The following ZNF423 variants were observed in gnomAD, a reference collection of about 807,000 sequenced individuals.
The protein encoded by ZNF423 is zinc finger protein 423.
Under a neutral mutation model 95.8 loss-of-function variants are expected in ZNF423, and 12 were observed. The ratio of observed to expected loss-of-function variants is 0.13; its 90% CI spans 0.08 to 0.20. The LOEUF (loss-of-function observed/expected upper bound fraction) is 0.20. Ranked by LOEUF, ZNF423 falls within the 10% of genes least tolerant of loss-of-function variation. The pLI, the probability that ZNF423 is intolerant of heterozygous loss-of-function variation, is 1.00. For missense variants in ZNF423, 1,316 were observed against 1,737.1 expected (o/e 0.76, Z 4.31); for synonymous variants, 749 against 711.9 (o/e 1.05, Z -0.83).
chr16:49,629,837 C>A (rs915918301), intron 4 of ZNF423, among the ~76,000 whole-genome samples: 4 of 152,166 alleles, frequency 2.6e-5, no homozygotes, highest in African/African-American at 9.7e-5. Flanking sequence ...TGTCCTGGAC[C>A]CACACCACCC....
intron 5 of ZNF423, among the ~76,000 whole-genome samples, chr16:49,570,527 CAA>C (rs1970322881): frequency 1.3e-5 from 2 of 152,122 alleles, no homozygotes; most frequent in Admixed American, 1.3e-4. Flanking sequence ...CGTAGGGAGT[CAA>C]GAGAGGTGCC....
At chr16:49,547,502 A>T (rs1969480797) in intron 5 of ZNF423, among the ~76,000 whole-genome samples, 1 of 152,340 alleles carries the variant, frequency 6.6e-6, no homozygotes, top group South Asian at 2.1e-4. Context: ...ATGGTAACAA[A>T]GGTTCTCAGA....
At chr16:49,763,259 T>C (rs2033864748) in intron 2 of ZNF423, among the ~76,000 whole-genome samples, 1 of 151,946 alleles carries the variant, frequency 6.6e-6, no homozygotes, top group South Asian at 2.1e-4. Context: ...ACTCTGGGTT[T>C]TTTGGTTTTT....
intron 1 of ZNF423, among the ~76,000 whole-genome samples, chr16:49,809,372 C>T (rs1481871338): frequency 2.6e-5 from 4 of 152,192 alleles, no homozygotes; most frequent in Non-Finnish European, 5.9e-5. Flanking sequence ...CTGCAGTGGT[C>T]CCATGCTCTG....
chr16:49,573,096 A>G (rs1324154366), intron 5 of ZNF423, among the ~76,000 whole-genome samples: 2 of 152,170 alleles, frequency 1.3e-5, no homozygotes, highest in Non-Finnish European at 2.9e-5. Flanking sequence ...GGATGGATAT[A>G]TGAACATGTG....
At chr16:49,575,322 CG>C (rs1970463095) in intron 5 of ZNF423, among the ~76,000 whole-genome samples, 1 of 152,148 alleles carries the variant, frequency 6.6e-6, no homozygotes, top group Non-Finnish European at 1.5e-5. Context: ...AATAATTCCA[CG>C]GGGAGTCCTG....
intron 5 of ZNF423, among the ~76,000 whole-genome samples, chr16:49,606,335 T>C (rs747404721): frequency 2.6e-5 from 4 of 151,958 alleles, no homozygotes; most frequent in South Asian, 4.2e-4. Context: ...AGAAGCCAGC[T>C]TAAGAGCGAG....
At chr16:49,835,143 C>T (rs191163316) in intron 1 of ZNF423, among the ~76,000 whole-genome samples, 2 of 152,254 alleles carry the variant, frequency 1.3e-5, no homozygotes, top group East Asian at 1.9e-4. Flanking sequence ...GGGGCTCCCT[C>T]TTCTCTGAGG....
intron 2 of ZNF423, among the ~76,000 whole-genome samples, chr16:49,740,334 C>T (rs952434821): frequency 2.0e-5 from 3 of 152,190 alleles, no homozygotes; most frequent in Non-Finnish European, 4.4e-5. Context: ...GAGAAGAACC[C>T]TCTCCTCCAT....
Position 49,638,038 on chromosome 16 carries a change from G to T in ZNF423, c.1138C>A (p.Pro380Thr). Residue 380 changes from proline (P) to threonine (T), a missense_variant, in exon 4 of 8, where the codon CCC becomes ACC. Transcript: ENST00000563137. The surrounding 1 kb of genome is among the most constrained non-coding windows in gnomAD (Gnocchi z 5.6). ...CGCTCCACAGAGGCGCTGGAGTCGG[G>T]TGTGGCGCTGCTCATGGAGGCCACG... ...GSVASMSSAT[P>T]DSSASVERGS... is the part of the protein sequence containing the mutation. The T allele has an allele frequency of 1.9e-6, 3 of 1,614,020 alleles. No individual in the cohort carries two copies.
At chr16:49,712,782 G>A (rs901731641) in intron 3 of ZNF423, among the ~76,000 whole-genome samples, 2 of 152,248 alleles carry the variant, frequency 1.3e-5, no homozygotes, top group Admixed American at 1.3e-4. Flanking sequence ...TGGAAACCAC[G>A]TGTGATGGAA....
intron 2 of ZNF423, among the ~76,000 whole-genome samples, chr16:49,769,488 C>T (rs529761804): frequency 2.8e-4 from 43 of 152,268 alleles, no homozygotes; most frequent in Non-Finnish European, 1.0e-4. Flanking sequence ...TGGATGAGTA[C>T]TTGGTCAGCC....
chr16:49,687,747 C>T (rs1179228161), intron 3 of ZNF423, among the ~76,000 whole-genome samples: 4 of 152,196 alleles, frequency 2.6e-5, no homozygotes, highest in South Asian at 2.1e-4. Flanking sequence ...CGTCCTGCTG[C>T]GGCTCCTGTT....
At chr16:49,681,931 T>C (rs998189685) in intron 3 of ZNF423, among the ~76,000 whole-genome samples, 4 of 151,892 alleles carry the variant, frequency 2.6e-5, no homozygotes, top group African/African-American at 9.7e-5. Context: ...ATGCCCAACA[T>C]TATGATTTTC....
chr16:49,592,341 C>T (rs1971035371), intron 5 of ZNF423, among the ~76,000 whole-genome samples: 2 of 152,072 alleles, frequency 1.3e-5, no homozygotes, highest in African/African-American at 4.8e-5. Flanking sequence ...TTTTAAAACA[C>T]AGCTTTTTTA....
chr16:49,680,113 G>A, intron 3 of ZNF423, among the ~76,000 whole-genome samples: 1 of 152,202 alleles, frequency 6.6e-6, no homozygotes, highest in East Asian at 1.9e-4. Context: ...TCTCAGCTGA[G>A]AACTAGACAC....
At chr16:49,854,953 G>A (rs936999649) in intron 1 of ZNF423, 2 of 984,996 alleles carry the variant, frequency 2.0e-6, no homozygotes, top group Admixed American at 6.2e-5. Context: ...GCCGGTGCCC[G>A]GGGTCAGATC....
intron 1 of ZNF423, among the ~76,000 whole-genome samples, chr16:49,853,382 T>A (rs756883455): frequency 6.6e-6 from 1 of 152,094 alleles, no homozygotes; most frequent in Admixed American, 6.5e-5. Context: ...TCTCTCTTAA[T>A]TCCTCCCTTG....
chr16:49,830,121 G>A (rs1460916299), intron 1 of ZNF423, among the ~76,000 whole-genome samples: 1 of 152,170 alleles, frequency 6.6e-6, no homozygotes, highest in East Asian at 1.9e-4. Flanking sequence ...TAACAGCAGT[G>A]GGCCCACTTT....
Sources: gnomAD v4.1 joint callset for allele counts (sites outside exome capture counted in the v4.1 genomes callset) on GRCh38, gnomAD v4.1.1 for gene constraint, Gnocchi (gnomAD v3.1) non-coding constraint, MANE v1.5 for transcripts, NCBI Gene and HGNC (gene_info 2026-07-23, HGNC 2026-07-21) for gene names.